PTPRD: variants seen among roughly 807,000 people sequenced by gnomAD.
PTPRD encodes receptor-type tyrosine-protein phosphatase delta.
PTPRD carries 34 observed loss-of-function variants against 214.5 expected under a neutral mutation model. The observed-to-expected ratio is 0.16, with a 90% CI of 0.12 to 0.21. PTPRD has a LOEUF of 0.21. Ranked by LOEUF, PTPRD falls within the 10% of genes least tolerant of loss-of-function variation. The pLI is 1.00. For synonymous variants in PTPRD, 1,128 were observed against 845.7 expected (o/e 1.33, Z -5.79); for missense variants, 2,545 against 2,398.7 (o/e 1.06, Z -1.27).
intron 9 of PTPRD, among the ~76,000 whole-genome samples, chr9:9,223,372 T>C (rs2099957423): frequency 2.0e-5 from 3 of 152,102 alleles, no homozygotes; most frequent in South Asian, 4.1e-4. Flanking sequence ...AGGAAGCTCT[T>C]TTGTGCTGTA....
At chr9:9,960,847 A>G (rs1458661580) in intron 4 of PTPRD, among the ~76,000 whole-genome samples, 3 of 152,216 alleles carry the variant, frequency 2.0e-5, no homozygotes, top group South Asian at 2.1e-4. Flanking sequence ...GCACAGCAAA[A>G]GAAACTACCA....
At chr9:8,864,884 C>G (rs1374323583) in intron 11 of PTPRD, among the ~76,000 whole-genome samples, 1 of 152,190 alleles carries the variant, frequency 6.6e-6, no homozygotes, top group Non-Finnish European at 1.5e-5. Flanking sequence ...CTAATGTTTT[C>G]TCTTTGTCTT....
intron 9 of PTPRD, among the ~76,000 whole-genome samples, chr9:9,271,269 A>T (rs1365056943): frequency 6.6e-6 from 1 of 150,840 alleles, no homozygotes; most frequent in Non-Finnish European, 1.5e-5. Context: ...TTTCCTTCAA[A>T]CTTATTTTTC....
chr9:9,544,766 A>T (rs1029532009), intron 8 of PTPRD, among the ~76,000 whole-genome samples: 1 of 151,648 alleles, frequency 6.6e-6, no homozygotes, highest in African/African-American at 2.4e-5. Flanking sequence ...TATGTATTTT[A>T]TTATAATAAT....
At chr9:9,171,416 G>C (rs920310333) in intron 10 of PTPRD, among the ~76,000 whole-genome samples, 1 of 150,906 alleles carries the variant, frequency 6.6e-6, no homozygotes, top group African/African-American at 2.4e-5. Flanking sequence ...AATTATGCTT[G>C]GTTTCACAGG....
chr9:8,764,802 A>AATAATG (rs1164359389), intron 11 of PTPRD, among the ~76,000 whole-genome samples: 3 of 100,588 alleles, frequency 3.0e-5, no homozygotes, highest in Non-Finnish European at 6.7e-5. Context: ...AAATAATAAT[A>AATAATG]ATAATGATAA....
intron 11 of PTPRD, among the ~76,000 whole-genome samples, chr9:8,848,794 CT>C (rs775894225): frequency 8.0e-6 from 1 of 125,556 alleles, no homozygotes; most frequent in African/African-American, 2.9e-5. Flanking sequence ...ATCTTTATTA[CT>C]TTTATCTATG....
chr9:8,764,966 T>C (rs2094619758), intron 11 of PTPRD, among the ~76,000 whole-genome samples: 1 of 152,084 alleles, frequency 6.6e-6, no homozygotes, highest in Admixed American at 6.5e-5. Context: ...CCCAATATTA[T>C]CTCCTGTTTA....
At chr9:10,228,003 A>G (rs1293650389) in intron 3 of PTPRD, among the ~76,000 whole-genome samples, 1 of 152,040 alleles carries the variant, frequency 6.6e-6, no homozygotes, top group African/African-American at 2.4e-5. Flanking sequence ...CAGAAAGGCT[A>G]AAGTAAAAAT....
At chr9:9,539,405 T>C (rs2154270693) in intron 8 of PTPRD, among the ~76,000 whole-genome samples, 1 of 151,962 alleles carries the variant, frequency 6.6e-6, no homozygotes, top group South Asian at 2.1e-4. Flanking sequence ...ATGACTTTTG[T>C]CTCTTGGACA....
chr9:9,645,389 G>A (rs1166851753), intron 7 of PTPRD, among the ~76,000 whole-genome samples: 1 of 151,160 alleles, frequency 6.6e-6, no homozygotes, highest in East Asian at 1.9e-4. Flanking sequence ...GTTTGTTTGG[G>A]AAGACTAATA....
chr9:8,746,029 A>G (rs2092759433), intron 11 of PTPRD, among the ~76,000 whole-genome samples: 1 of 152,154 alleles, frequency 6.6e-6, no homozygotes, highest in South Asian at 2.1e-4. Context: ...CTGGACTCAA[A>G]ACAATCCTCC....
At chr9:8,952,858 C>A (rs1247975396) in intron 11 of PTPRD, among the ~76,000 whole-genome samples, 1 of 151,768 alleles carries the variant, frequency 6.6e-6, no homozygotes, top group Admixed American at 6.6e-5. Flanking sequence ...TATGATATAA[C>A]CTGAAGTCCC....
chr9:10,581,392 T>G (rs1193984649), intron 2 of PTPRD, among the ~76,000 whole-genome samples: 1 of 152,234 alleles, frequency 6.6e-6, no homozygotes, highest in Non-Finnish European at 1.5e-5. Context: ...GTTTATAGAC[T>G]GCTCATCTGT....
At chr9:9,811,785 C>A (rs978364748) in intron 5 of PTPRD, among the ~76,000 whole-genome samples, 1 of 152,072 alleles carries the variant, frequency 6.6e-6, no homozygotes, top group African/African-American at 2.4e-5. Flanking sequence ...GAAATGACAA[C>A]AAAATATTAG....
intron 11 of PTPRD, among the ~76,000 whole-genome samples, chr9:8,735,351 C>A (rs994148867): frequency 6.6e-6 from 1 of 151,462 alleles, no homozygotes; most frequent in Non-Finnish European, 1.5e-5. Flanking sequence ...ACCATGTTAA[C>A]CAAGCTGGTC....
In PTPRD at chr9:8,760,830, T is replaced by C. The variant is rs147095199; in HGVS notation, c.-103-26884A>G. ...AAGGTTTTATCTCGTACAAGTAAAG[T>C]AGAAAGTAAATTGAGGTAGGAAATT... is the stretch of plus-strand genomic sequence containing the variant. On this transcript the variant is annotated intron_variant, in intron 11 of 45. Coordinates refer to ENST00000381196, the MANE Select transcript of PTPRD (RefSeq NM_002839.4). Among the ~76,000 whole-genome samples the C allele has an allele frequency of 1.8e-3, 268 of 152,278 alleles. 1 individual carries two copies. Among genetic ancestry groups the C allele is most frequent in the African/African-American group, 6.1e-3 (252 of 41,562 alleles).
chr9:8,508,891 C>CTGTGTG (rs59265464), intron 21 of PTPRD, among the ~76,000 whole-genome samples: 53 of 140,598 alleles, frequency 3.8e-4, no homozygotes, highest in African/African-American at 1.1e-3. Flanking sequence ...GTGTGTGTGT[C>CTGTGTG]TGTGTGTGTG....
At chr9:8,970,661 T>A (rs1004536509) in intron 11 of PTPRD, among the ~76,000 whole-genome samples, 1 of 151,874 alleles carries the variant, frequency 6.6e-6, no homozygotes, top group Admixed American at 6.6e-5. Context: ...TCAGAGCACA[T>A]AAAATTGACA....
Sources: gnomAD v4.1 joint callset for allele counts (sites outside exome capture counted in the v4.1 genomes callset) on GRCh38, gnomAD v4.1.1 for gene constraint, MANE v1.5 for transcripts, NCBI Gene and HGNC (gene_info 2026-07-23, HGNC 2026-07-21) for gene names.